COL24A1: variants seen among roughly 807,000 people sequenced by gnomAD.
COL24A1 encodes the protein collagen type XXIV alpha 1 chain.
Under a neutral mutation model 253.9 loss-of-function variants are expected in COL24A1, and 224 were observed. The ratio of observed to expected loss-of-function variants is 0.88; its 90% CI spans 0.79 to 0.99. The LOEUF is 0.99. Ranked by LOEUF, COL24A1 falls within the 50% of genes least tolerant of loss-of-function variation. The pLI, the probability that COL24A1 is intolerant of heterozygous loss-of-function variation, is 0.00. For synonymous variants in COL24A1, 685 were observed against 673.7 expected (o/e 1.02, Z -0.26); for missense variants, 2,131 against 2,068.5 (o/e 1.03, Z -0.59).
At chr1:85,907,357 T>C (rs1438104034) in intron 27 of COL24A1, 110 bp from the exon 28 acceptor site, 3 of 819,246 alleles carry the variant, frequency 3.7e-6, no homozygotes, top group South Asian at 1.7e-5. Context: ...ATTTTTACAA[T>C]TGATTAGTCT....
chr1:86,032,059 C>T, intron 13 of COL24A1, 137 bp from the exon 14 acceptor site: 2 of 616,510 alleles, frequency 3.2e-6, no homozygotes, highest in African/African-American at 1.9e-5. Flanking sequence ...TCTGAAACTC[C>T]CCTAATCTAT....
rs144209003 is a variant in COL24A1, at chr1:86,088,978, C to T, written c.1707+196G>A. On this transcript the variant is annotated intron_variant, in intron 7 of 59. Transcript: ENST00000370571. ...CCAGTTTCCGGGATGATGATGGCAT[C>T]CTAATTTTCTTTTGCTGAGAAAAGG... Among the ~76,000 whole-genome samples, 177 of 152,024 alleles carry T rather than the reference C, an allele frequency of 1.2e-3. 5 individuals carry two copies. The East Asian group carries it at 0.026, about 22-fold the overall frequency.
At chr1:85,826,805 T>C (rs912441392) in intron 43 of COL24A1, among the ~76,000 whole-genome samples, 3 of 152,154 alleles carry the variant, frequency 2.0e-5, no homozygotes, top group Non-Finnish European at 4.4e-5. Flanking sequence ...AAGTTGCTTA[T>C]CAGCTTAAGG....
intron 1 of COL24A1, among the ~76,000 whole-genome samples, chr1:86,152,362 T>A (rs1652893036): frequency 6.6e-6 from 1 of 152,166 alleles, no homozygotes; most frequent in Non-Finnish European, 1.5e-5. Context: ...TGGGTCACAG[T>A]CAAAACTTCA....
intron 36 of COL24A1, 72 bp downstream of exon 36, chr1:85,868,710 A>ACAATGATGTC (rs1336244083): frequency 6.2e-6 from 9 of 1,444,438 alleles, no homozygotes; most frequent in Non-Finnish European, 8.6e-6. Flanking sequence ...TCACACAAAA[A>ACAATGATGTC]CAATGATGTC....
chr1:85,827,068 T>A (rs1372431835), intron 43 of COL24A1, among the ~76,000 whole-genome samples: 3 of 152,002 alleles, frequency 2.0e-5, no homozygotes, highest in African/African-American at 7.2e-5. Flanking sequence ...GGGTTTGTCA[T>A]AGATAGCTCT....
intron 3 of COL24A1, among the ~76,000 whole-genome samples, chr1:86,118,258 T>TTTCACCA (rs1353688776): frequency 1.3e-5 from 2 of 151,924 alleles, no homozygotes; most frequent in Non-Finnish European, 2.9e-5. Flanking sequence ...AGAGACGGGG[T>TTTCACCA]TTCACCATGT....
Position 85,943,065 on chromosome 1 carries a change from G to A in COL24A1, c.2562+18184C>T, listed in dbSNP as rs141105223. Among the ~76,000 whole-genome samples the A allele has an allele frequency of 2.4e-4, 37 of 152,310 alleles. No homozygotes were observed. The East Asian group carries it at 7.1e-3, about 29-fold the overall frequency. ...TTAGCAGGGAGTATCCAATCTCTCA[G>A]GGCCTGGAGAGAACCAATACAGAAG... On this transcript the variant is annotated intron_variant, in intron 24 of 59. Coordinates refer to ENST00000370571, the MANE Select transcript of COL24A1 (RefSeq NM_152890.7).
chr1:85,924,635 A>T (rs574580380), intron 24 of COL24A1, among the ~76,000 whole-genome samples: 2 of 152,328 alleles, frequency 1.3e-5, no homozygotes, highest in African/African-American at 4.8e-5. Flanking sequence ...TCATGCTAAA[A>T]ACTCTCAATA....
intron 29 of COL24A1, 49 bp from the exon 30 acceptor site, chr1:85,896,114 T>A (rs1217387389): frequency 6.4e-7 from 1 of 1,574,102 alleles, no homozygotes; most frequent in African/African-American, 1.4e-5. Flanking sequence ...TGAATTATGG[T>A]CTTACTATGC....
intron 47 of COL24A1, among the ~76,000 whole-genome samples, chr1:85,800,629 C>T (rs924797983): frequency 3.9e-5 from 6 of 152,094 alleles, no homozygotes; most frequent in African/African-American, 7.2e-5. Context: ...AACACTACAG[C>T]GTGTACTACA....
intron 47 of COL24A1, among the ~76,000 whole-genome samples, chr1:85,797,791 G>C (rs1267795131): frequency 6.6e-6 from 1 of 152,158 alleles, no homozygotes; most frequent in Non-Finnish European, 1.5e-5. Flanking sequence ...TTTAATAACT[G>C]TTAGCTGTGA....
chr1:85,952,067 A>G (rs1689988643), intron 24 of COL24A1, among the ~76,000 whole-genome samples: 1 of 152,210 alleles, frequency 6.6e-6, no homozygotes, highest in African/African-American at 2.4e-5. Context: ...CATTTCATAA[A>G]CAGAAGATAG....
chr1:85,997,501 T>A (rs1312190682), intron 19 of COL24A1, among the ~76,000 whole-genome samples: 16 of 152,096 alleles, frequency 1.1e-4, no homozygotes, highest in Admixed American at 1.0e-3. Context: ...GATGATCATG[T>A]GGGCCGGGCG....
chr1:85,977,119 A>G (rs1692764167), intron 20 of COL24A1, among the ~76,000 whole-genome samples: 1 of 152,194 alleles, frequency 6.6e-6, no homozygotes, highest in Non-Finnish European at 1.5e-5. Context: ...CAGAAGAGCA[A>G]TAACAATCAC....
At chr1:86,132,066 G>A (rs1649317891) in intron 2 of COL24A1, among the ~76,000 whole-genome samples, 1 of 152,196 alleles carries the variant, frequency 6.6e-6, no homozygotes, top group Non-Finnish European at 1.5e-5. Flanking sequence ...TCTAACTGGT[G>A]TGAGATGGTG....
At chr1:85,957,721 T>TTATC (rs1690615980) in intron 24 of COL24A1, among the ~76,000 whole-genome samples, 1 of 152,184 alleles carries the variant, frequency 6.6e-6, no homozygotes. Flanking sequence ...TCCTCATTGG[T>TTATC]TATCCTCTTC....
chr1:85,910,920 A>G (rs1262183447), intron 25 of COL24A1, among the ~76,000 whole-genome samples: 1 of 151,822 alleles, frequency 6.6e-6, no homozygotes, highest in Non-Finnish European at 1.5e-5. Context: ...GCTGAGTCCA[A>G]CAGTTTGGTT....
At chr1:85,767,893 A>G (rs141737764) in intron 53 of COL24A1, among the ~76,000 whole-genome samples, 37 of 152,358 alleles carry the variant, frequency 2.4e-4, no homozygotes, top group African/African-American at 8.7e-4. Flanking sequence ...ATTACATGGC[A>G]AGTTCTGTTC....
Sources: allele counts gnomAD v4.1 joint callset (sites outside exome capture counted in the v4.1 genomes callset), GRCh38; gene constraint gnomAD v4.1.1; transcripts MANE v1.5; gene names NCBI Gene and HGNC (gene_info 2026-07-23, HGNC 2026-07-21).